NTRK3: variants seen among roughly 807,000 people sequenced by gnomAD.
NTRK3 encodes the protein neurotrophic receptor tyrosine kinase 3.
In NTRK3, 24 loss-of-function variants were observed where a neutral mutation model predicts 91.7. The ratio of observed to expected loss-of-function variants is 0.26; its 90% CI spans 0.19 to 0.37. The LOEUF is 0.37. Ranked by LOEUF, NTRK3 falls within the 10% of genes least tolerant of loss-of-function variation. The pLI is 1.00. For synonymous variants in NTRK3, 483 were observed against 404.0 expected (o/e 1.20, Z -2.34); for missense variants, 880 against 1,068.9 (o/e 0.82, Z 2.46).
At chr15:87,942,773 G>A (rs1312240639) in intron 14 of NTRK3, among the ~76,000 whole-genome samples, 2 of 152,172 alleles carry the variant, frequency 1.3e-5, no homozygotes, top group African/African-American at 4.8e-5. Context: ...AATAGTACGA[G>A]TTTAACTTAC....
In NTRK3 at chr15:87,912,504, T is replaced by C. The variant is rs559615344; in HGVS notation, c.2133+16687A>G. Among the ~76,000 whole-genome samples, 6 of 152,236 alleles carry C rather than the reference T, an allele frequency of 3.9e-5. No individual in the cohort carries two copies. In the East Asian group the frequency reaches 1.2e-3, roughly 30 times the overall value. ...AAATAGGGAGAATCATGCCAGCCCA[T>C]TGACCTCATAGCACTTTGATGGTGG... On this transcript the variant is annotated intron_variant, in intron 17 of 18. Coordinates refer to ENST00000394480, the Ensembl canonical transcript of NTRK3.
intron 17 of NTRK3, among the ~76,000 whole-genome samples, chr15:87,917,923 G>T (rs1361474857): frequency 6.6e-6 from 1 of 152,082 alleles, no homozygotes; most frequent in African/African-American, 2.4e-5. Context: ...AAATTACATA[G>T]CCACAAGTGT....
At chr15:88,202,455 C>A (rs1283208528) in intron 3 of NTRK3, among the ~76,000 whole-genome samples, 4 of 152,204 alleles carry the variant, frequency 2.6e-5, no homozygotes, top group African/African-American at 9.6e-5. Flanking sequence ...AAAGCAGAAA[C>A]CTCAAAGAAC....
At chr15:88,112,193 A>AC (rs2051483301) in intron 13 of NTRK3, among the ~76,000 whole-genome samples, 1 of 152,220 alleles carries the variant, frequency 6.6e-6, no homozygotes, top group Non-Finnish European at 1.5e-5. Context: ...GGCGTGAGCC[A>AC]CCATGCTCAG....
At chr15:87,911,960 T>A (rs1457493672) in intron 17 of NTRK3, among the ~76,000 whole-genome samples, 1 of 152,174 alleles carries the variant, frequency 6.6e-6, no homozygotes, top group African/African-American at 2.4e-5. Context: ...ACAATAAACA[T>A]TAAAACAATT....
At chr15:88,026,108 A>G (rs1206062458) in intron 14 of NTRK3, among the ~76,000 whole-genome samples, 1 of 152,042 alleles carries the variant, frequency 6.6e-6, no homozygotes, top group African/African-American at 2.4e-5. Flanking sequence ...CTTCTCTACT[A>G]AAAATACAAA....
chr15:88,216,215 A>G (rs1050800757), intron 3 of NTRK3, among the ~76,000 whole-genome samples: 2 of 152,178 alleles, frequency 1.3e-5, no homozygotes, highest in African/African-American at 4.8e-5. Context: ...GGACAGGAGC[A>G]GTTGATCACT....
chr15:88,014,876 C>A (rs542949040), intron 14 of NTRK3, among the ~76,000 whole-genome samples: 2 of 152,188 alleles, frequency 1.3e-5, no homozygotes, highest in Non-Finnish European at 2.9e-5. Context: ...GAAATATGCA[C>A]AACAAATCAA....
chr15:88,220,076 G>A (rs2050114283), intron 3 of NTRK3, among the ~76,000 whole-genome samples: 1 of 151,658 alleles, frequency 6.6e-6, no homozygotes, highest in South Asian at 2.1e-4. Context: ...AATAAGCTTG[G>A]GTTTAAAAGA....
chr15:87,891,351 T>C (rs1333652088), intron 17 of NTRK3, among the ~76,000 whole-genome samples: 1 of 152,164 alleles, frequency 6.6e-6, no homozygotes, highest in Admixed American at 6.5e-5. Context: ...TGCTTTTAAT[T>C]TTTAGGACTT....
chr15:87,869,578 T>C (rs1369417), exon 19 of NTRK3: 124,684 of 213,990 alleles, frequency 0.58, 39,126 homozygotes, highest in East Asian at 0.68. Context: ...GGGATTCACC[T>C]TGTATTAAGA....
At chr15:88,059,723 T>C (rs2142444900) in intron 13 of NTRK3, among the ~76,000 whole-genome samples, 1 of 152,136 alleles carries the variant, frequency 6.6e-6, no homozygotes, top group African/African-American at 2.4e-5. Context: ...ACAAGCTAAA[T>C]TGTGACCCCC....
At chr15:87,911,216 G>C (rs937192114) in intron 17 of NTRK3, among the ~76,000 whole-genome samples, 1 of 152,164 alleles carries the variant, frequency 6.6e-6, no homozygotes, top group Non-Finnish European at 1.5e-5. Flanking sequence ...TGAATGTGTA[G>C]ATATGCAGAG....
chr15:87,931,030 T>C lies in NTRK3; in HGVS notation c.1890-1596A>G, dbSNP rs75248922. ...GGCACTGGCACTGCCCCTCACCTTA[T>C]ACACTTCTTTCTGTTTCTTCTGTAC... On this transcript the variant is annotated intron_variant, in intron 16 of 18. Transcript: ENST00000394480. The C allele has an allele frequency of 6.3e-3, 2,195 of 350,062 alleles. 39 individuals carry two copies. The highest frequency in any genetic ancestry group is 0.044 in the African/African-American group (2,065 of 46,488). The allele number at this position is 350,062 out of a possible 1,614,324, so 21.7% of individuals were successfully genotyped here.
At chr15:88,056,202 ATTT>A (rs59829232) in intron 13 of NTRK3, among the ~76,000 whole-genome samples, 51 of 104,850 alleles carry the variant, frequency 4.9e-4, no homozygotes, top group African/African-American at 2.0e-3. Flanking sequence ...ATATATATAT[ATTT>A]TTTTTTTAAT....
intron 5 of NTRK3, among the ~76,000 whole-genome samples, chr15:88,179,783 C>A (rs953517511): frequency 6.6e-6 from 1 of 152,198 alleles, no homozygotes; most frequent in Non-Finnish European, 1.5e-5. Flanking sequence ...TTCCTTAACT[C>A]CTTTCTGAAA....
chr15:87,892,182 C>T (rs1427175193), intron 17 of NTRK3, among the ~76,000 whole-genome samples: 2 of 151,688 alleles, frequency 1.3e-5, no homozygotes, highest in Non-Finnish European at 2.9e-5. Flanking sequence ...GGAGTGAAAC[C>T]CTACAGAGTA....
intron 5 of NTRK3, among the ~76,000 whole-genome samples, chr15:88,148,284 T>C (rs564022747): frequency 1.1e-4 from 17 of 152,314 alleles, no homozygotes; most frequent in African/African-American, 4.1e-4. Context: ...GGATGACTTC[T>C]ACAACAAATA....
At position 87,912,160 on chromosome 15, in the gene NTRK3, T is replaced by G. The variant is rs141781194; in HGVS notation, c.2133+17031A>C. ...ATTACATTGGAGAGCCGAAAATCTC[T>G]AAATTAAATCATCTTTGCTTGCTGC... is the stretch of plus-strand genomic sequence containing the variant. On this transcript the variant is annotated intron_variant, in intron 17 of 18. Transcript: ENST00000394480. 3.7e-3 allele frequency among the ~76,000 whole-genome samples: 567 copies of G among 152,342 alleles called. 5 individuals are homozygous for G. Among genetic ancestry groups the G allele is most frequent in the African/African-American group, 0.013 (537 of 41,580 alleles).
Sources: gnomAD v4.1 joint callset for allele counts (sites outside exome capture counted in the v4.1 genomes callset) on GRCh38, gnomAD v4.1.1 for gene constraint, MANE v1.5 for transcripts, NCBI Gene and HGNC (gene_info 2026-07-23, HGNC 2026-07-21) for gene names.